The following TEX35 variants were observed in gnomAD, a reference collection of about 807,000 sequenced individuals.
TEX35 encodes the protein testis-expressed protein 35.
Under a neutral mutation model 31.9 loss-of-function variants are expected in TEX35, and 26 were observed. The observed-to-expected ratio is 0.81, with a 90% CI of 0.60 to 1.13. The LOEUF is 1.13. TEX35 is among the 50% of genes most tolerant of loss of function. TEX35 has a pLI of 0.00. For synonymous variants in TEX35, 87 were observed against 90.7 expected (o/e 0.96, Z 0.23); for missense variants, 278 against 273.5 (o/e 1.02, Z -0.12).
Position 178,520,819 on chromosome 1 carries a change from C to G in TEX35, c.488C>G (p.Pro163Arg), listed in dbSNP as rs1299872927. Residue 163 changes from proline (P) to arginine (R), a missense_variant, in exon 7 of 9, where the codon CCA becomes CGA. Pro to Arg is a moderately radical substitution (Grantham distance 103). Coordinates refer to ENST00000319416, the MANE Select transcript of TEX35 (RefSeq NM_032126.5). Reference protein sequence around the residue: ...PCALHKKTMAPQKTKQGSLDP... With the variant: ...PCALHKKTMARQKTKQGSLDP... Reference sequence around the variant, plus strand: ...GCTCTTCACAAGAAGACGATGGCACCACAAAAAACAAAACAGGGCTCACTG... The same window carrying G: ...GCTCTTCACAAGAAGACGATGGCACGACAAAAAACAAAACAGGGCTCACTG... 1 of 1,614,096 alleles carries G rather than the reference C, an allele frequency of 6.2e-7. No individual in the cohort carries two copies. Among genetic ancestry groups the G allele is most frequent in the East Asian group, 2.2e-5 (1 of 44,882 alleles).
At chr1:178,515,404 A>G (rs1406425930) in intron 3 of TEX35, among the ~76,000 whole-genome samples, 1 of 148,274 alleles carries the variant, frequency 6.7e-6, no homozygotes, top group Non-Finnish European at 1.5e-5. Flanking sequence ...TCGTCTGGGG[A>G]CATTGACATT....
chr1:178,518,120 A>G (rs943107315), intron 5 of TEX35, among the ~76,000 whole-genome samples: 3 of 152,214 alleles, frequency 2.0e-5, no homozygotes, highest in Non-Finnish European at 2.9e-5. Context: ...AGAAGAGAAT[A>G]TAACTAAAAA....
rs201007851 is a variant in TEX35, at chr1:178,513,150, T to C, written c.-39T>C. The C allele has an allele frequency of 6.2e-7, 1 of 1,611,058 alleles. No individual in the cohort carries two copies. The highest frequency in any genetic ancestry group is 1.3e-5 in the African/African-American group (1 of 74,976). On this transcript the variant is annotated 5_prime_UTR_variant, in exon 1 of 9. Transcript: ENST00000319416. Reference sequence around the variant, plus strand: ...AGGACAGTGGCCTGGTCCCAGGGGCTGTTGTGGGGAGTTGAAGAACACCCT... The same window carrying C: ...AGGACAGTGGCCTGGTCCCAGGGGCCGTTGTGGGGAGTTGAAGAACACCCT...
In TEX35 at chr1:178,513,222, C is replaced by A. The variant is rs781281251; in HGVS notation, c.34C>A (p.His12Asn). ...SAKRAELKKTHLSKNYKAVCL... is the reference protein window; with the variant it reads ...SAKRAELKKTNLSKNYKAVCL... The stretch of plus-strand genomic sequence containing the variant: ...CAAGAGGGCAGAATTGAAGAAAACA[C>A]ATCTGGTAAAAGAGAGACATTGCTG... The change falls in exon 1 of 9, where the codon CAT becomes AAT. Residue 12 changes from histidine to asparagine, a missense_variant. His to Asn is a moderately conservative substitution (Grantham distance 68). Transcript: ENST00000319416. The A allele has an allele frequency of 6.2e-7, 1 of 1,614,244 alleles. No homozygotes were observed. The highest frequency in any genetic ancestry group is 1.1e-5 in the South Asian group (1 of 91,080).
chr1:178,514,014 C>G lies in TEX35; in HGVS notation c.40-13C>G. The G allele has an allele frequency of 6.2e-7, 1 of 1,613,624 alleles. No individual in the cohort carries two copies. The highest frequency in any genetic ancestry group is 8.5e-7 in the Non-Finnish European group (1 of 1,179,786). On this transcript the variant is annotated splice_polypyrimidine_tract_variant and intron_variant, in intron 1 of 8. Transcript: ENST00000319416. Reference sequence around the variant, plus strand: ...TGTCTGCCAGCCTGAATCTCAGTCTCCTCTTTTTGCAGAGCAAGAACTACA... The same window carrying G: ...TGTCTGCCAGCCTGAATCTCAGTCTGCTCTTTTTGCAGAGCAAGAACTACA...
intron 1 of TEX35, 45 bp downstream of exon 1, chr1:178,513,272 C>G: frequency 6.2e-7 from 1 of 1,612,186 alleles, no homozygotes; most frequent in South Asian, 1.1e-5. Context: ...TCTCTGAGCT[C>G]CTACTGAATG....
chr1:178,514,007 T>TCA lies in TEX35; in HGVS notation c.40-19_40-18dup, dbSNP rs2101892788. On this transcript the variant is annotated intron_variant, in intron 1 of 8. Coordinates refer to ENST00000319416, the MANE Select transcript of TEX35 (RefSeq NM_032126.5). ...ATCCTGATGTCTGCCAGCCTGAATC[T>TCA]CAGTCTCCTCTTTTTGCAGAGCAAG... The TCA allele has an allele frequency of 6.2e-7, 1 of 1,613,192 alleles. No individual in the cohort carries two copies. Among genetic ancestry groups the TCA allele is most frequent in the East Asian group, 2.2e-5 (1 of 44,872 alleles).
At chr1:178,516,040 C>T in intron 4 of TEX35, 125 bp downstream of exon 4, 1 of 775,788 alleles carries the variant, frequency 1.3e-6, no homozygotes, top group South Asian at 1.6e-5. Context: ...GTCCTAATAC[C>T]CAGAGCACTT....
At chr1:178,513,406 G>T (rs192722794) in intron 1 of TEX35, among the ~76,000 whole-genome samples, 179 bp downstream of exon 1, 1 of 152,176 alleles carries the variant, frequency 6.6e-6, no homozygotes, top group East Asian at 1.9e-4. Context: ...CCTAGCCTTG[G>T]GGGTGGGAAG....
intron 3 of TEX35, among the ~76,000 whole-genome samples, chr1:178,515,111 T>G (rs1015416899): frequency 1.7e-4 from 26 of 152,204 alleles, no homozygotes; most frequent in African/African-American, 6.3e-4. Context: ...TTTATTTATT[T>G]TTATTTTATT....
At chr1:178,515,496 G>T (rs1650043301) in intron 3 of TEX35, among the ~76,000 whole-genome samples, 1 of 152,068 alleles carries the variant, frequency 6.6e-6, no homozygotes, top group African/African-American at 2.4e-5. Flanking sequence ...TGAGATTCAG[G>T]CTGTGCATTT....
intron 3 of TEX35, among the ~76,000 whole-genome samples, chr1:178,515,035 C>T (rs74129228): frequency 0.028 from 4,262 of 152,272 alleles, 207 homozygotes; most frequent in African/African-American, 0.097. Flanking sequence ...CACATTGCCT[C>T]GAATTACCAG....
At chr1:178,522,211 C>T (rs1056307069) in intron 8 of TEX35, 114 bp from the exon 9 acceptor site, 3 of 1,380,116 alleles carry the variant, frequency 2.2e-6, no homozygotes, top group Non-Finnish European at 9.6e-7. Flanking sequence ...GTCTTGTCAC[C>T]AAGCAGGACT....
chr1:178,522,967 C>A (rs1022482244), downstream of TEX35, among the ~76,000 whole-genome samples: 3 of 152,346 alleles, frequency 2.0e-5, no homozygotes, highest in East Asian at 3.9e-4. Flanking sequence ...CCCTTCCCAG[C>A]CTCTGGTAAC....
At chr1:178,521,644 T>C in intron 8 of TEX35, 1 of 1,552,256 alleles carries the variant, frequency 6.4e-7, no homozygotes, top group South Asian at 1.2e-5. Context: ...TCAACCCCGG[T>C]GACATCGAAT....
chr1:178,522,511 C>T lies in TEX35; in HGVS notation c.*71C>T, dbSNP rs1650323892. 7.0e-7 allele frequency: 1 copy of T among 1,428,978 alleles called. No homozygotes were observed. The highest frequency in any genetic ancestry group is 9.3e-7 in the Non-Finnish European group (1 of 1,076,868). 88.5% of individuals were successfully genotyped at this position (1,428,978 alleles called of 1,614,324 possible). A position where few individuals can be genotyped will look rare whatever the true frequency, so the allele number is the denominator to read the frequency against. On this transcript the variant is annotated 3_prime_UTR_variant, in exon 9 of 9. Transcript: ENST00000319416. ...AACAGTGTTTCAGAAACTGTCCTGC[C>T]CTGGGTGTGATTCTTTGGCTTCAAT...
intron 7 of TEX35, 106 bp from the exon 8 acceptor site, chr1:178,521,116 C>T (rs1650261000): frequency 1.9e-6 from 3 of 1,601,526 alleles, no homozygotes; most frequent in Non-Finnish European, 2.6e-6. Flanking sequence ...GCTCCACCCT[C>T]TTATTCTGTC....
In TEX35 at chr1:178,516,013, T is replaced by C; in HGVS notation, c.216+98T>C. 4 of 961,330 alleles carry C rather than the reference T, an allele frequency of 4.2e-6. No individual in the cohort carries two copies. The South Asian group carries it at 5.6e-5, about 13-fold the overall frequency. 59.6% of individuals were successfully genotyped at this position (961,330 alleles called of 1,614,324 possible). ...ATAGTGAAGGAAAGCAGGAATTGCATGGAAAAATGTAACTCAGTCCTAATA... is the reference window on the plus strand; with the variant it reads ...ATAGTGAAGGAAAGCAGGAATTGCACGGAAAAATGTAACTCAGTCCTAATA... On this transcript the variant is annotated intron_variant, in intron 4 of 8. Transcript: ENST00000319416.
At chr1:178,523,187 C>T, downstream of TEX35, 1 of 638,300 alleles carries the variant, frequency 1.6e-6, no homozygotes, top group South Asian at 1.8e-5. Context: ...ATATTTTCCT[C>T]ATTCATCTGT....
Sources: gnomAD v4.1 joint callset for allele counts (sites outside exome capture counted in the v4.1 genomes callset) on GRCh38, gnomAD v4.1.1 for gene constraint, MANE v1.5 for transcripts, NCBI Gene and HGNC (gene_info 2026-07-23, HGNC 2026-07-21) for gene names.